The following HK1 variants were observed in gnomAD, a reference collection of about 807,000 sequenced individuals.
HK1 encodes the protein hexokinase-1.
A neutral mutation model predicts 91.6 loss-of-function variants in HK1; 28 were observed. The ratio of observed to expected loss-of-function variants is 0.31; its 90% CI spans 0.23 to 0.42. The LOEUF (loss-of-function observed/expected upper bound fraction) is 0.42, where lower values mean the gene tolerates loss of function less well. HK1 is among the 10% of genes least tolerant of loss of function. HK1 has a pLI of 1.00. For synonymous variants in HK1, 430 were observed against 468.1 expected, an observed-to-expected ratio of 0.92 and a Z score of 1.05; for missense variants, 770 against 1,219.8, an observed-to-expected ratio of 0.63 and a Z score of 5.49.
Position 69,401,151 on chromosome 10 carries a change from A to C in HK1, c.*16A>C. On this transcript the variant is annotated 3_prime_UTR_variant, in exon 18 of 18. Transcript: ENST00000359426. Reference sequence around the variant, plus strand: ...AAGCAGCTAAGAGTCCGGGATCCCCAGCCTACTGCCTCTCCAGCACTTCTC... The same window carrying C: ...AAGCAGCTAAGAGTCCGGGATCCCCCGCCTACTGCCTCTCCAGCACTTCTC... 6.2e-7 allele frequency: 1 copy of C among 1,611,266 alleles called. No individual in the cohort carries two copies. The highest frequency in any genetic ancestry group is 1.1e-5 in the South Asian group (1 of 90,826).
intron 4 of HK1, among the ~76,000 whole-genome samples, chr10:69,298,436 G>C (rs1845679975): frequency 6.6e-6 from 1 of 151,482 alleles, no homozygotes; most frequent in African/African-American, 2.4e-5. Flanking sequence ...GAACATCCTG[G>C]GCAACATAGC....
At chr10:69,289,461 A>ATTT (rs67564699) in intron 3 of HK1, among the ~76,000 whole-genome samples, 106 of 112,800 alleles carry the variant, frequency 9.4e-4, no homozygotes, top group African/African-American at 2.5e-3. Flanking sequence ...AAAAAAAAAA[A>ATTT]TTTTTTTTTT....
intron 2 of HK1, among the ~76,000 whole-genome samples, chr10:69,287,730 T>G (rs1345111764): frequency 1.3e-5 from 2 of 152,160 alleles, no homozygotes; most frequent in Non-Finnish European, 2.9e-5. Context: ...AATTATACAC[T>G]TTAAAGGGTG....
At chr10:69,396,378 G>A (rs538561379) in intron 16 of HK1, among the ~76,000 whole-genome samples, 2 of 151,640 alleles carry the variant, frequency 1.3e-5, no homozygotes, top group African/African-American at 4.8e-5. Flanking sequence ...TGGTTTTTAA[G>A]TATACAGTTC....
At chr10:69,350,071 T>C (rs1367420940) in intron 2 of HK1, among the ~76,000 whole-genome samples, 4 of 152,126 alleles carry the variant, frequency 2.6e-5, no homozygotes, top group Non-Finnish European at 5.9e-5. Flanking sequence ...CCTCCCCTTA[T>C]AGCCAGCGAT....
At chr10:69,301,573 CAA>C (rs3086649) in intron 5 of HK1, among the ~76,000 whole-genome samples, 5,000 of 80,882 alleles carry the variant, frequency 0.062, 43 homozygotes, top group South Asian at 0.084. Flanking sequence ...GACTCTGTCT[CAA>C]AAAAAAAAAA....
At chr10:69,333,576 C>A (rs1847838101) in intron 1 of HK1, among the ~76,000 whole-genome samples, 1 of 152,056 alleles carries the variant, frequency 6.6e-6, no homozygotes, top group African/African-American at 2.4e-5. Flanking sequence ...AACCTCCAGG[C>A]CCTACTCAGG....
intron 2 of HK1, among the ~76,000 whole-genome samples, chr10:69,350,892 C>T (rs58356154): frequency 0.051 from 7,702 of 151,592 alleles, 224 homozygotes; most frequent in African/African-American, 0.084. Context: ...CAAAGCTGGC[C>T]GGGCGCCGTG....
intron 4 of HK1, among the ~76,000 whole-genome samples, chr10:69,366,073 C>T (rs1436561194): frequency 3.3e-5 from 5 of 152,066 alleles, no homozygotes; most frequent in South Asian, 2.1e-4. Context: ...TTAGGTGATC[C>T]GCCTGCCTCG....
intron 11 of HK1, 45 bp from the exon 12 acceptor site, chr10:69,384,745 ATAAAAT>A (rs755967746): frequency 3.7e-6 from 6 of 1,613,752 alleles, no homozygotes; most frequent in East Asian, 2.2e-5. Flanking sequence ...ATGTGCACTG[ATAAAAT>A]TAAAACCACA....
At chr10:69,330,918 C>T (rs566396693) in intron 1 of HK1, among the ~76,000 whole-genome samples, 17 of 150,214 alleles carry the variant, frequency 1.1e-4, no homozygotes, top group African/African-American at 2.7e-4. Flanking sequence ...CTCGCTGTGT[C>T]GCCCAGGCTG....
intron 10 of HK1, 130 bp from the exon 11 acceptor site, chr10:69,384,203 G>A: frequency 9.4e-7 from 1 of 1,062,570 alleles, no homozygotes; most frequent in Non-Finnish European, 1.5e-6. Flanking sequence ...TGTCCTAAAG[G>A]GAGGAGTTGC....
At chr10:69,336,637 CTTTTTTTTT>C (rs56893382) in intron 1 of HK1, among the ~76,000 whole-genome samples, 1 of 114,174 alleles carries the variant, frequency 8.8e-6, no homozygotes, top group African/African-American at 3.8e-5. Flanking sequence ...TGGTAGATGC[CTTTTTTTTT>C]TTTTTTTTTT....
chr10:69,317,555 G>A (rs1846714434), upstream of HK1, among the ~76,000 whole-genome samples: 1 of 152,172 alleles, frequency 6.6e-6, no homozygotes, highest in East Asian at 1.9e-4. Context: ...TAGAGGTTGG[G>A]GGTTGGATCT....
At chr10:69,347,602 A>C (rs1848631929) in intron 2 of HK1, among the ~76,000 whole-genome samples, 1 of 151,668 alleles carries the variant, frequency 6.6e-6, no homozygotes, top group Non-Finnish European at 1.5e-5. Context: ...CGCTGGGCTA[A>C]TTTTTGTATT....
intron 1 of HK1, among the ~76,000 whole-genome samples, chr10:69,331,750 T>A (rs1377297511): frequency 6.6e-6 from 1 of 151,662 alleles, no homozygotes; most frequent in East Asian, 1.9e-4. Flanking sequence ...GTGGCACACA[T>A]CTATGGTCCC....
intron 1 of HK1, among the ~76,000 whole-genome samples, chr10:69,280,911 C>A (rs533678214): frequency 8.5e-5 from 13 of 152,300 alleles, no homozygotes; most frequent in African/African-American, 2.6e-4. Flanking sequence ...GGAGTTTCAT[C>A]CCCTGTGCCA....
chr10:69,323,391 G>A (rs753598076), intron 1 of HK1, among the ~76,000 whole-genome samples: 2 of 151,816 alleles, frequency 1.3e-5, no homozygotes, highest in Non-Finnish European at 2.9e-5. Context: ...TTGGTGGCAT[G>A]CACACACCTG....
upstream of HK1, chr10:69,315,961 T>A: frequency 6.2e-7 from 1 of 1,614,194 alleles, no homozygotes; most frequent in Non-Finnish European, 8.5e-7. Flanking sequence ...CCAGATGGAC[T>A]GTGAGCACAG....
Sources: allele counts gnomAD v4.1 joint callset (sites outside exome capture counted in the v4.1 genomes callset), GRCh38; gene constraint gnomAD v4.1.1; transcripts MANE v1.5; gene names NCBI Gene and HGNC (gene_info 2026-07-23, HGNC 2026-07-21).